The following QTGAL variants were observed in gnomAD, a reference collection of about 807,000 sequenced individuals.
QTGAL encodes queuosine-tRNA galactosyltransferase.
chr17:82,997,939 A>ATC, the QTGAL span, among the ~76,000 whole-genome samples: 1 of 148,314 alleles, frequency 6.7e-6, no homozygotes, highest in African/African-American at 2.5e-5. Context: ...AAATATATAT[A>ATC]TATATATATC....
At chr17:83,005,237 TCAAAA>T in the QTGAL span, 15 of 1,580,386 alleles carry the variant, frequency 9.5e-6, no homozygotes, top group Admixed American at 2.6e-4. This position sits in a 1 kb window ranked among gnomAD's most constrained non-coding sequence, Gnocchi z 5.6. Context: ...CAGACAGAGC[TCAAAA>T]CAAAGTCAGG....
chr17:82,965,610 G>A, the QTGAL span: 13 of 1,534,722 alleles, frequency 8.5e-6, no homozygotes, highest in African/African-American at 2.7e-5. Flanking sequence ...ACAGGGCCCC[G>A]AACCTGGGGG....
the QTGAL span, chr17:83,007,158 G>A: frequency 1.1e-6 from 1 of 931,060 alleles, no homozygotes; most frequent in Admixed American, 6.2e-5. Flanking sequence ...AACGTGCTCG[G>A]CCATGGCTGT....
At chr17:82,969,774 G>A in the QTGAL span, among the ~76,000 whole-genome samples, 7 of 152,054 alleles carry the variant, frequency 4.6e-5, no homozygotes, top group South Asian at 2.1e-4. Context: ...CAACCTCCCC[G>A]GCTCAAGCGC....
chr17:82,968,395 G>T, the QTGAL span, among the ~76,000 whole-genome samples: 1 of 152,270 alleles, frequency 6.6e-6, no homozygotes, highest in African/African-American at 2.4e-5. Flanking sequence ...AACAGGGAAG[G>T]GAGGCAGTCA....
the QTGAL span, chr17:82,946,736 T>C: frequency 4.6e-6 from 3 of 656,874 alleles, no homozygotes; most frequent in Non-Finnish European, 7.5e-6. Context: ...GAATTATACA[T>C]TACAGAAGAA....
the QTGAL span, among the ~76,000 whole-genome samples, chr17:82,991,070 G>A: frequency 6.6e-6 from 1 of 152,218 alleles, no homozygotes; most frequent in African/African-American, 2.4e-5. Context: ...CCAGATCGTA[G>A]ATGAAAATTA....
the QTGAL span, among the ~76,000 whole-genome samples, chr17:83,036,446 C>T: frequency 1.3e-5 from 2 of 152,310 alleles, no homozygotes; most frequent in East Asian, 3.9e-4. Context: ...ATGGTGTGTG[C>T]AGCTTATGAA....
the QTGAL span, among the ~76,000 whole-genome samples, chr17:82,990,398 A>G: frequency 3.3e-5 from 5 of 152,394 alleles, no homozygotes; most frequent in Admixed American, 2.0e-4. Flanking sequence ...ACGCCAACAC[A>G]GGCAAGAGAC....
chr17:83,007,610 G>A, the QTGAL span, among the ~76,000 whole-genome samples: 1 of 152,098 alleles, frequency 6.6e-6, no homozygotes, highest in Non-Finnish European at 1.5e-5. Flanking sequence ...CCACTCCTGA[G>A]AGCCTGGATC....
the QTGAL span, chr17:82,961,030 T>A: frequency 6.3e-7 from 1 of 1,596,294 alleles, no homozygotes; most frequent in African/African-American, 1.3e-5. Flanking sequence ...CTCTCAGGCG[T>A]CCCGGGGCCG....
chr17:82,973,474 C>T, the QTGAL span, among the ~76,000 whole-genome samples: 238 of 152,254 alleles, frequency 1.6e-3, 2 homozygotes, highest in African/African-American at 5.3e-3. Flanking sequence ...GAGCAGCGCT[C>T]CTGAGAATGG....
At chr17:82,994,462 A>G in the QTGAL span, among the ~76,000 whole-genome samples, 1 of 152,162 alleles carries the variant, frequency 6.6e-6, no homozygotes, top group South Asian at 2.1e-4. Context: ...AAAAATCAAA[A>G]TTCCTAGACA....
chr17:83,026,316 G>A, the QTGAL span, among the ~76,000 whole-genome samples: 2 of 152,356 alleles, frequency 1.3e-5, no homozygotes, highest in East Asian at 3.9e-4. Context: ...CACAGCCAGA[G>A]GTGTGTGGAC....
chr17:83,022,359 T>G, the QTGAL span, among the ~76,000 whole-genome samples: 5,573 of 31,580 alleles, frequency 0.18, 234 homozygotes, highest in Admixed American at 0.21. Flanking sequence ...GAACTCACGT[T>G]AGCTTAGCAC....
At chr17:82,970,528 CGTGGCCGCG>C in the QTGAL span, among the ~76,000 whole-genome samples, 2 of 134,012 alleles carry the variant, frequency 1.5e-5, no homozygotes, top group Non-Finnish European at 3.1e-5. Context: ...CCCCACCCAG[CGTGGCCGCG>C]ACCTCCGCAC....
chr17:83,036,030 A>C, the QTGAL span, among the ~76,000 whole-genome samples: 2 of 150,942 alleles, frequency 1.3e-5, no homozygotes, highest in Non-Finnish European at 2.9e-5. Context: ...AGCATCTACA[A>C]CACCAGAGTG....
At chr17:82,959,293 T>C in the QTGAL span, among the ~76,000 whole-genome samples, 6 of 151,928 alleles carry the variant, frequency 3.9e-5, no homozygotes, top group Non-Finnish European at 7.4e-5. Flanking sequence ...GCAGTATGAG[T>C]ACATGTATGC....
the QTGAL span, among the ~76,000 whole-genome samples, chr17:83,016,023 G>T: frequency 6.6e-6 from 1 of 152,160 alleles, no homozygotes; most frequent in Non-Finnish European, 1.5e-5. Context: ...GTCGAGGTGG[G>T]GGCATGGGTG....
Sources: gnomAD v4.1 joint callset for allele counts (sites outside exome capture counted in the v4.1 genomes callset) on GRCh38, gnomAD v4.1.1 for gene constraint, Gnocchi (gnomAD v3.1) non-coding constraint, MANE v1.5 for transcripts, NCBI Gene and HGNC (gene_info 2026-07-23, HGNC 2026-07-21) for gene names.